Variants in NAV3 observed in about 807,000 individuals in gnomAD.
The protein encoded by NAV3 is neuron navigator 3.
A neutral mutation model predicts 244.7 loss-of-function variants in NAV3; 87 were observed. The ratio of observed to expected loss-of-function variants is 0.36; its 90% CI spans 0.30 to 0.42. The LOEUF is 0.42. NAV3 is among the 20% of genes least tolerant of loss of function. The pLI is 1.00. For missense variants in NAV3, 2,663 were observed against 2,893.3 expected, an observed-to-expected ratio of 0.92 and a Z score of 1.83; for synonymous variants, 1,126 against 1,042.2, an observed-to-expected ratio of 1.08 and a Z score of -1.55.
chr12:78,116,683 A>T (rs1455257701), intron 12 of NAV3, 89 bp from the exon 13 acceptor site: 1 of 1,304,508 alleles, frequency 7.7e-7, no homozygotes, highest in African/African-American at 1.5e-5. Flanking sequence ...ATGTCTTAAT[A>T]ATAAATTGTG....
intron 2 of NAV3, among the ~76,000 whole-genome samples, chr12:77,714,437 C>T (rs544005920): frequency 6.6e-5 from 10 of 152,206 alleles, no homozygotes; most frequent in South Asian, 4.1e-4. Flanking sequence ...CCTGATCTGT[C>T]TGACTTTATC....
At chr12:77,830,024 C>T (rs138849569), upstream of NAV3, among the ~76,000 whole-genome samples, 1,507 of 152,204 alleles carry the variant, frequency 9.9e-3, 10 homozygotes, top group Middle Eastern at 0.017. Flanking sequence ...TCTCTGTATC[C>T]ATTTTCTGAG....
intron 16 of NAV3, among the ~76,000 whole-genome samples, chr12:78,123,730 G>A (rs1383508289): frequency 6.6e-6 from 1 of 152,098 alleles, no homozygotes; most frequent in African/African-American, 2.4e-5. Flanking sequence ...AAAAAAACTG[G>A]GCCAAGGCAA....
intron 2 of NAV3, among the ~76,000 whole-genome samples, chr12:77,792,797 T>G (rs1871240783): frequency 6.6e-6 from 1 of 152,196 alleles, no homozygotes; most frequent in Non-Finnish European, 1.5e-5. Context: ...TTAAAATCTT[T>G]GTACACTTAA....
intron 12 of NAV3, among the ~76,000 whole-genome samples, chr12:78,099,196 T>C (rs1212563545): frequency 6.6e-6 from 1 of 151,528 alleles, no homozygotes; most frequent in Non-Finnish European, 1.5e-5. Context: ...AAATGCTTTA[T>C]GCATCTTAAA....
chr12:78,012,523 T>G (rs1875486437), intron 8 of NAV3, among the ~76,000 whole-genome samples: 1 of 152,118 alleles, frequency 6.6e-6, no homozygotes, highest in Admixed American at 6.6e-5. Flanking sequence ...CACAGCCACA[T>G]GCAGTCCCAC....
In NAV3 at chr12:77,649,816, T is replaced by TA. The variant is rs558448397; in HGVS notation, c.72+77552dup. ...AAGTAAATGATTTAATCGATTTTTT[T>TA]AAGTGACAATCTCTACTTTTGTTTA... On this transcript the variant is annotated intron_variant, in intron 2 of 8. Transcript: ENST00000550042. Among the ~76,000 whole-genome samples, 526 of 152,314 alleles carry TA rather than the reference T, an allele frequency of 3.5e-3. 2 individuals are homozygous for TA. The highest frequency in any genetic ancestry group is 5.4e-3 in the Non-Finnish European group (366 of 68,010).
intron 2 of NAV3, among the ~76,000 whole-genome samples, chr12:77,716,821 CCCA>C: frequency 6.6e-6 from 1 of 151,888 alleles, no homozygotes; most frequent in East Asian, 1.9e-4. Context: ...TTCTGCAAGT[CCCA>C]CCATACTAAG....
intron 2 of NAV3, among the ~76,000 whole-genome samples, chr12:77,782,197 A>G (rs1870697041): frequency 6.6e-6 from 1 of 152,040 alleles, no homozygotes; most frequent in Non-Finnish European, 1.5e-5. Flanking sequence ...CCCTATCTCA[A>G]CTTCAGCCTA....
intron 4 of NAV3, among the ~76,000 whole-genome samples, chr12:77,967,482 A>G (rs1190521550): frequency 6.6e-6 from 1 of 152,244 alleles, no homozygotes; most frequent in East Asian, 1.9e-4. Flanking sequence ...ATTTTACTGC[A>G]TAGTTTGAGT....
At chr12:77,621,900 T>A in intron 2 of NAV3, among the ~76,000 whole-genome samples, 1 of 152,210 alleles carries the variant, frequency 6.6e-6, no homozygotes, top group Admixed American at 6.5e-5. Flanking sequence ...CCCGATATTT[T>A]ATCATTTGAT....
chr12:77,806,342 T>C (rs532096433), intron 2 of NAV3, among the ~76,000 whole-genome samples: 1 of 152,224 alleles, frequency 6.6e-6, no homozygotes, highest in Non-Finnish European at 1.5e-5. Context: ...TTTAGCTATG[T>C]CCCAGAGATT....
At chr12:77,968,937 A>G (rs1243115035) in intron 5 of NAV3, among the ~76,000 whole-genome samples, 1 of 152,176 alleles carries the variant, frequency 6.6e-6, no homozygotes, top group African/African-American at 2.4e-5. Flanking sequence ...GTTGTTCTGT[A>G]TCACAGTGTG....
chr12:78,043,136 C>T lies in NAV3; in HGVS notation c.2024-6857C>T, dbSNP rs1324948435. On this transcript the variant is annotated intron_variant, in intron 9 of 39. Coordinates refer to ENST00000397909, the MANE Select transcript of NAV3 (RefSeq NM_001024383.2). ...TGTGTGATGTTCCCCTTCCTGTGTCCATGTGTTCTCATTGTTCAACTCCCA... is the reference window on the plus strand; with the variant it reads ...TGTGTGATGTTCCCCTTCCTGTGTCTATGTGTTCTCATTGTTCAACTCCCA... 2.6e-5 allele frequency among the ~76,000 whole-genome samples: 4 copies of T among 152,030 alleles called. No homozygotes were observed. In the East Asian group the frequency reaches 7.7e-4, roughly 29 times the overall value.
At chr12:77,878,354 T>G (rs1228428209) in intron 1 of NAV3, among the ~76,000 whole-genome samples, 1 of 152,060 alleles carries the variant, frequency 6.6e-6, no homozygotes, top group Non-Finnish European at 1.5e-5. Context: ...GCCTCCCAAG[T>G]AGCTAGGATT....
intron 2 of NAV3, among the ~76,000 whole-genome samples, chr12:77,753,276 C>A (rs1868953958): frequency 6.6e-6 from 1 of 152,218 alleles, no homozygotes; most frequent in Non-Finnish European, 1.5e-5. Flanking sequence ...TTCTCATGAG[C>A]ACCCTGTCTT....
At chr12:77,987,272 C>G (rs1278340494) in intron 5 of NAV3, among the ~76,000 whole-genome samples, 1 of 152,014 alleles carries the variant, frequency 6.6e-6, no homozygotes, top group African/African-American at 2.4e-5. Flanking sequence ...TACAAGAGAA[C>G]GGAGTACAGC....
At chr12:78,043,728 T>C (rs1881275881) in intron 9 of NAV3, among the ~76,000 whole-genome samples, 1 of 152,240 alleles carries the variant, frequency 6.6e-6, no homozygotes, top group Non-Finnish European at 1.5e-5. Context: ...GCATAAAATG[T>C]CTTCTTTTGA....
At chr12:78,069,190 T>C (rs894851446) in intron 12 of NAV3, among the ~76,000 whole-genome samples, 1 of 151,898 alleles carries the variant, frequency 6.6e-6, no homozygotes, top group African/African-American at 2.4e-5. Flanking sequence ...GTTAAAGTTA[T>C]TTGCAATAAG....
Sources: gnomAD v4.1 joint callset for allele counts (sites outside exome capture counted in the v4.1 genomes callset) on GRCh38, gnomAD v4.1.1 for gene constraint, MANE v1.5 for transcripts, NCBI Gene and HGNC (gene_info 2026-07-23, HGNC 2026-07-21) for gene names.